The following PKD1L3 variants were observed in gnomAD, a reference collection of about 807,000 sequenced individuals.
PKD1L3 encodes polycystin 1 like 3, transient receptor potential channel interacting.
A neutral mutation model predicts 184.1 loss-of-function variants in PKD1L3; 239 were observed. That is an observed-to-expected ratio of 1.30 (90% CI 1.17 to 1.45). PKD1L3 has a LOEUF of 1.45. Among genes scored for constraint, PKD1L3 ranks in the 40% most tolerant of loss-of-function variants. The pLI, the probability that PKD1L3 is intolerant of heterozygous loss-of-function variation, is 0.00. For synonymous variants in PKD1L3, 996 were observed against 778.8 expected (o/e 1.28, Z -4.64); for missense variants, 2,660 against 2,067.2 (o/e 1.29, Z -5.56).
chr16:71,936,957 A>G (rs752578220), intron 25 of PKD1L3, among the ~76,000 whole-genome samples: 2 of 152,220 alleles, frequency 1.3e-5, no homozygotes, highest in Non-Finnish European at 2.9e-5. Context: ...GGTTTCTGAA[A>G]AGGACCAAAA....
At chr16:71,936,529 T>C (rs2038185691) in intron 25 of PKD1L3, among the ~76,000 whole-genome samples, 1 of 150,256 alleles carries the variant, frequency 6.7e-6, no homozygotes, top group African/African-American at 2.4e-5. Flanking sequence ...CTTTTTTTTT[T>C]TTTTTTTGAG....
rs533534821 is a variant in PKD1L3, at chr16:71,980,663, G to A, written c.1144-529C>T. ...TACCTGGCCGACATTGTGAAACCCT[G>A]TCTCTACTAAAAGTACCAAAAATTA... On this transcript the variant is annotated intron_variant, in intron 7 of 29. Transcript: ENST00000620267. 7.2e-5 allele frequency among the ~76,000 whole-genome samples: 11 copies of A among 152,158 alleles called. No homozygotes were observed. In the South Asian group the frequency reaches 2.3e-3, roughly 32 times the overall value.
chr16:71,981,665 T>C (rs570463636), intron 7 of PKD1L3, among the ~76,000 whole-genome samples: 10 of 151,716 alleles, frequency 6.6e-5, no homozygotes, highest in Admixed American at 2.0e-4. Flanking sequence ...CTCAGCCTCC[T>C]GAGTAGCTGG....
At chr16:71,962,450 G>C (rs1422849135) in intron 16 of PKD1L3, among the ~76,000 whole-genome samples, 1 of 152,170 alleles carries the variant, frequency 6.6e-6, no homozygotes, top group Non-Finnish European at 1.5e-5. Context: ...CCTGGTCTGT[G>C]AATTCACCAG....
intron 22 of PKD1L3, among the ~76,000 whole-genome samples, chr16:71,944,945 G>A (rs910674416): frequency 2.0e-5 from 3 of 150,526 alleles, no homozygotes; most frequent in Admixed American, 6.6e-5. Context: ...CGATCAACCC[G>A]AGACCCTGTC....
intron 25 of PKD1L3, among the ~76,000 whole-genome samples, chr16:71,936,645 G>A (rs542268752): frequency 2.8e-4 from 41 of 148,596 alleles, no homozygotes; most frequent in African/African-American, 8.9e-4. Flanking sequence ...ATGCCACCAC[G>A]CCCGGCTAAA....
chr16:71,935,343 C>CA lies in PKD1L3; in HGVS notation c.4613+14dup. 1.3e-6 allele frequency: 2 copies of CA among 1,548,616 alleles called. No homozygotes were observed. The highest frequency in any genetic ancestry group is 1.7e-6 in the Non-Finnish European group (2 of 1,145,260). ...TGAGGTAGGAATATGCTGTGCCCCT[C>CA]AGGCTTCCTCTCACCTGTCCTGGTC... On this transcript the variant is annotated intron_variant, in intron 26 of 29. Transcript: ENST00000620267.
intron 4 of PKD1L3, among the ~76,000 whole-genome samples, chr16:71,986,675 T>C (rs2040379894): frequency 6.6e-6 from 1 of 152,162 alleles, no homozygotes; most frequent in Non-Finnish European, 1.5e-5. Context: ...TATTAGTGTA[T>C]TTATTGTCAA....
chr16:71,988,433 G>A (rs1458926367), intron 4 of PKD1L3, among the ~76,000 whole-genome samples: 1 of 152,154 alleles, frequency 6.6e-6, no homozygotes, highest in African/African-American at 2.4e-5. Flanking sequence ...GGCCTCAAGT[G>A]ATCCACCCAC....
At chr16:71,967,065 T>C in intron 15 of PKD1L3, 72 bp downstream of exon 15, 1 of 1,436,708 alleles carries the variant, frequency 7.0e-7, no homozygotes, top group South Asian at 1.4e-5. Flanking sequence ...TGTGATTTAT[T>C]GTGGTGATCT....
chr16:71,985,831 G>A (rs1387097728), intron 5 of PKD1L3, among the ~76,000 whole-genome samples: 1 of 152,160 alleles, frequency 6.6e-6, no homozygotes, highest in African/African-American at 2.4e-5. Context: ...CCTCCCAAAT[G>A]CTGGGATTAT....
At chr16:71,965,555 A>ATTT (rs34451176) in intron 15 of PKD1L3, among the ~76,000 whole-genome samples, 1 of 136,914 alleles carries the variant, frequency 7.3e-6, no homozygotes, top group Admixed American at 7.4e-5. Flanking sequence ...TTTTGTGAGA[A>ATTT]TTTTTTTTTT....
At chr16:71,985,591 CT>C (rs1168312014) in intron 5 of PKD1L3, among the ~76,000 whole-genome samples, 2 of 152,156 alleles carry the variant, frequency 1.3e-5, no homozygotes, top group African/African-American at 4.8e-5. Context: ...GCCACCACAC[CT>C]GGCTAATTTT....
rs191554028 is a variant in PKD1L3 at position 71,988,271 on chromosome 16, C to T, written c.586-1802G>A. ...GTTCAGCGGTGCGATCTTGGCTCAC[C>T]GCAACCTCCACCTCCCAGGTTCAAG... is the stretch of plus-strand genomic sequence containing the variant. On this transcript the variant is annotated intron_variant, in intron 4 of 29. Coordinates refer to ENST00000620267, the MANE Select transcript of PKD1L3 (RefSeq NM_181536.2). Among the ~76,000 whole-genome samples the T allele has an allele frequency of 7.1e-4, 108 of 152,230 alleles. 2 individuals are homozygous for T. Among genetic ancestry groups the T allele is most frequent in the Admixed American group, 1.5e-3 (23 of 15,288 alleles).
At chr16:71,937,756 C>G (rs1018751190) in intron 24 of PKD1L3, among the ~76,000 whole-genome samples, 2 of 152,108 alleles carry the variant, frequency 1.3e-5, no homozygotes, top group African/African-American at 2.4e-5. Context: ...AGCACTGATA[C>G]CCCACGAGTA....
Position 71,945,656 on chromosome 16 carries a change from C to T in PKD1L3, c.3719-1486G>A, listed in dbSNP as rs137909005. 9.6e-3 allele frequency among the ~76,000 whole-genome samples: 1,448 copies of T among 150,946 alleles called. 21 individuals carry two copies. The highest frequency in any genetic ancestry group is 0.034 in the African/African-American group (1,382 of 41,102). On this transcript the variant is annotated intron_variant, in intron 22 of 29. Transcript: ENST00000620267. ...TTGTGCCACTGCACTCCAACCTGGG[C>T]GACAGAGCAAGACTCCATCTCATAA... is the stretch of plus-strand genomic sequence containing the variant.
At chr16:71,982,259 TAC>T (rs2040190678) in intron 6 of PKD1L3, 24 bp from the exon 7 acceptor site, 1 of 842,680 alleles carries the variant, frequency 1.2e-6, no homozygotes, top group Non-Finnish European at 1.8e-6. Flanking sequence ...AAAGCAAACA[TAC>T]ACCCTTGAAT....
chr16:71,947,654 A>G, intron 21 of PKD1L3, 63 bp from the exon 22 acceptor site: 1 of 1,131,396 alleles, frequency 8.8e-7, no homozygotes. Context: ...ATAATACCGT[A>G]TGTAAAGGAA....
At position 71,977,338 on chromosome 16, in the gene PKD1L3, T is replaced by A; in HGVS notation, c.1657A>T (p.Ser553Cys). The change falls in exon 11 of 30, where the codon AGT becomes TGT. Residue 553 changes from serine (S) to cysteine (C), a missense_variant. Coordinates refer to ENST00000620267, the MANE Select transcript of PKD1L3 (RefSeq NM_181536.2). ...AGGTAGAGTGTCATTAAAAGGGGACTGTCAGGATCTATGCTCACTATCAAG... is the reference window on the plus strand; with the variant it reads ...AGGTAGAGTGTCATTAAAAGGGGACAGTCAGGATCTATGCTCACTATCAAG... ...KSLIVSIDPDSPLLMTLYLGF... is the reference protein window; with the variant it reads ...KSLIVSIDPDCPLLMTLYLGF... 2.6e-6 allele frequency: 4 copies of A among 1,547,416 alleles called. No individual in the cohort carries two copies. Among genetic ancestry groups the A allele is most frequent in the Non-Finnish European group, 3.5e-6 (4 of 1,143,110 alleles).
Sources: gnomAD v4.1 joint callset for allele counts (sites outside exome capture counted in the v4.1 genomes callset) on GRCh38, gnomAD v4.1.1 for gene constraint, MANE v1.5 for transcripts, NCBI Gene and HGNC (gene_info 2026-07-23, HGNC 2026-07-21) for gene names.